The following FAM13A variants were observed in gnomAD, a reference collection of about 807,000 sequenced individuals.
The protein encoded by FAM13A is family with sequence similarity 13 member A.
FAM13A carries 76 observed loss-of-function variants against 129.6 expected under a neutral mutation model. The ratio of observed to expected loss-of-function variants is 0.59; its 90% CI spans 0.49 to 0.71. The LOEUF is 0.71. FAM13A is among the 30% of genes least tolerant of loss of function. FAM13A has a pLI of 0.00. For missense variants in FAM13A, 1,108 were observed against 1,249.3 expected (o/e 0.89, Z 1.70); for synonymous variants, 443 against 449.9 (o/e 0.98, Z 0.20).
intron 21 of FAM13A, 83 bp downstream of exon 21, chr4:88,737,389 C>T (rs1285900249): frequency 9.3e-6 from 11 of 1,184,134 alleles, no homozygotes; most frequent in African/African-American, 4.5e-5. Flanking sequence ...CCGATCACAC[C>T]CCCTTTCCAT....
chr4:88,868,284 T>TCC (rs1204658704), intron 6 of FAM13A, among the ~76,000 whole-genome samples: 1 of 152,158 alleles, frequency 6.6e-6, no homozygotes, highest in Non-Finnish European at 1.5e-5. Flanking sequence ...CTTATCCTCT[T>TCC]CCCAGTCATC....
Position 89,029,462 on chromosome 4 carries a change from T to C in FAM13A, c.215A>G (p.His72Arg), listed in dbSNP as rs773800980. The stretch of plus-strand genomic sequence containing the variant: ...GACTAAAGCATGACTTAACTCACCA[T>C]GCTGCGTCAAATATTCCACTATATT... ...VWNIVEYLTQ[H>R]GLTQEGLFRV... The change falls in exon 2 of 24, where the codon CAT becomes CGT. Residue 72 changes from histidine (H) to arginine (R), a missense_variant and splice_region_variant. By Grantham distance (29) the His-to-Arg change is conservative. This residue lies in a region of FAM13A where 566 missense variants were observed against 595.7 expected (regional missense o/e 0.95). Transcript: ENST00000264344. 1 of 1,597,080 alleles carries C rather than the reference T, an allele frequency of 6.3e-7. No homozygotes were observed. The highest frequency in any genetic ancestry group is 8.5e-7 in the Non-Finnish European group (1 of 1,175,162).
Position 88,925,721 on chromosome 4 carries a change from TA to T in FAM13A, c.759+12366del, listed in dbSNP as rs202094440. On this transcript the variant is annotated intron_variant, in intron 5 of 23. Coordinates refer to ENST00000264344, the MANE Select transcript of FAM13A (RefSeq NM_014883.4). ...TAATAAAATAAAAAATAAATAAAAA[TA>T]AAAAAAGAGAAATGCCAATGTATAA... is the stretch of plus-strand genomic sequence containing the variant. Among the ~76,000 whole-genome samples the T allele has an allele frequency of 4.6e-5, 7 of 151,014 alleles. No homozygotes were observed. In the East Asian group the frequency reaches 9.8e-4, roughly 21 times the overall value.
chr4:88,770,581 A>G (rs1331596379), intron 11 of FAM13A, among the ~76,000 whole-genome samples: 1 of 152,188 alleles, frequency 6.6e-6, no homozygotes, highest in Non-Finnish European at 1.5e-5. Context: ...AAATAAAATA[A>G]AAAAGAAATA....
intron 4 of FAM13A, among the ~76,000 whole-genome samples, chr4:88,955,773 C>T (rs2148894295): frequency 6.6e-6 from 1 of 152,198 alleles, no homozygotes; most frequent in East Asian, 1.9e-4. Context: ...AGCACTTTGC[C>T]CTTGCCCTAG....
chr4:88,971,582 T>A (rs191966818), intron 4 of FAM13A, among the ~76,000 whole-genome samples: 1 of 152,284 alleles, frequency 6.6e-6, no homozygotes, highest in East Asian at 1.9e-4. Flanking sequence ...TCATGGCTCA[T>A]TGCAGCCTTG....
At chr4:89,023,404 C>A (rs1767531069) in intron 2 of FAM13A, among the ~76,000 whole-genome samples, 1 of 152,060 alleles carries the variant, frequency 6.6e-6, no homozygotes, top group Non-Finnish European at 1.5e-5. Flanking sequence ...CTAGCAAATG[C>A]CCCTTAGATC....
intron 7 of FAM13A, among the ~76,000 whole-genome samples, chr4:88,838,597 G>A (rs191832927): frequency 0.07 from 10,594 of 151,946 alleles, 513 homozygotes; most frequent in African/African-American, 0.14. Flanking sequence ...CGTGGTGGCG[G>A]GCGCCTGTAG....
At chr4:88,893,777 A>C (rs1745813678) in intron 6 of FAM13A, among the ~76,000 whole-genome samples, 1 of 150,384 alleles carries the variant, frequency 6.6e-6, no homozygotes, top group Admixed American at 6.7e-5. Flanking sequence ...CAGTGAGCCG[A>C]GATCGCGCCA....
chr4:88,888,333 T>C (rs1027972604), intron 6 of FAM13A, among the ~76,000 whole-genome samples: 2 of 152,232 alleles, frequency 1.3e-5, no homozygotes, highest in South Asian at 4.1e-4. Flanking sequence ...GCCCAGAAAC[T>C]GTATTTCCCA....
At chr4:88,931,383 C>G (rs891574064) in intron 5 of FAM13A, among the ~76,000 whole-genome samples, 7 of 152,116 alleles carry the variant, frequency 4.6e-5, no homozygotes, top group African/African-American at 1.7e-4. Flanking sequence ...CTATAAAAGC[C>G]TGTTCCAGAG....
At chr4:88,917,996 T>C (rs1750378440) in intron 5 of FAM13A, among the ~76,000 whole-genome samples, 1 of 152,204 alleles carries the variant, frequency 6.6e-6, no homozygotes, top group Admixed American at 6.5e-5. Flanking sequence ...TTGAAGACAC[T>C]GTTCAGCTCT....
intron 2 of FAM13A, 113 bp from the exon 3 acceptor site, chr4:89,020,782 T>C: frequency 1.5e-6 from 1 of 685,416 alleles, no homozygotes; most frequent in Admixed American, 2.6e-5. Context: ...CTCAACACTG[T>C]AATTATCAAT....
chr4:88,787,691 G>T, intron 10 of FAM13A, 62 bp downstream of exon 10: 1 of 1,487,582 alleles, frequency 6.7e-7, no homozygotes, highest in Non-Finnish European at 9.2e-7. Context: ...CGACTAATTT[G>T]GGTGTATATT....
chr4:88,942,367 G>A (rs1055300736), intron 4 of FAM13A, among the ~76,000 whole-genome samples: 9 of 152,090 alleles, frequency 5.9e-5, no homozygotes, highest in African/African-American at 2.2e-4. Flanking sequence ...AGGAGTTCGA[G>A]ACCAGATTGG....
chr4:88,731,131 G>C (rs1364787561), intron 23 of FAM13A, among the ~76,000 whole-genome samples, 196 bp downstream of exon 23: 1 of 152,152 alleles, frequency 6.6e-6, no homozygotes, highest in Non-Finnish European at 1.5e-5. Flanking sequence ...TTTCTTCTGG[G>C]AGGTCCACAC....
chr4:89,034,477 A>G (rs1769103032), intron 1 of FAM13A, among the ~76,000 whole-genome samples: 1 of 152,244 alleles, frequency 6.6e-6, no homozygotes, highest in African/African-American at 2.4e-5. Flanking sequence ...TGTTGGTAAG[A>G]ATGTAAATTA....
At chr4:88,890,553 A>T (rs1294015223) in intron 6 of FAM13A, among the ~76,000 whole-genome samples, 2 of 152,220 alleles carry the variant, frequency 1.3e-5, no homozygotes, top group Non-Finnish European at 2.9e-5. Context: ...ATATCACAAC[A>T]CATAAGTACC....
chr4:88,862,083 A>G (rs1436724805), intron 6 of FAM13A, among the ~76,000 whole-genome samples: 2 of 152,208 alleles, frequency 1.3e-5, no homozygotes, highest in Admixed American at 6.5e-5. Context: ...AGGATACAAG[A>G]GAGACTAAAT....
Sources: allele counts gnomAD v4.1 joint callset (sites outside exome capture counted in the v4.1 genomes callset), GRCh38; gene constraint gnomAD v4.1.1; regional missense constraint gnomAD v4.1.1; transcripts MANE v1.5; gene names NCBI Gene and HGNC (gene_info 2026-07-23, HGNC 2026-07-21).